Variants in MTUS2 observed in about 807,000 individuals in gnomAD.
MTUS2 encodes microtubule associated scaffold protein 2, also known as microtubule-associated tumor suppressor candidate 2.
Under a neutral mutation model 114.1 loss-of-function variants are expected in MTUS2, and 40 were observed. The observed-to-expected ratio is 0.35, with a 90% confidence interval of 0.27 to 0.46. The LOEUF (loss-of-function observed/expected upper bound fraction) is 0.46. Ranked by LOEUF, MTUS2 falls within the 20% of genes least tolerant of loss-of-function variation. MTUS2 has a pLI of 1.00. For synonymous variants in MTUS2, 688 were observed against 672.0 expected, an observed-to-expected ratio of 1.02 and a Z score of -0.37; for missense variants, 1,679 against 1,705.4, an observed-to-expected ratio of 0.98 and a Z score of 0.27.
At chr13:29,426,793 A>G (rs985279145) in intron 8 of MTUS2, among the ~76,000 whole-genome samples, 1 of 152,198 alleles carries the variant, frequency 6.6e-6, no homozygotes, top group Non-Finnish European at 1.5e-5. Context: ...AAGGCTGACT[A>G]ATGTTCCACT....
Position 28,942,100 on chromosome 13 carries a change from C to T in MTUS2, c.-242-82357C>T, listed in dbSNP as rs1012670127. Among the ~76,000 whole-genome samples the T allele has an allele frequency of 5.9e-5, 9 of 152,080 alleles. 1 individual carries two copies. The South Asian group carries it at 6.2e-4, about 11-fold the overall frequency. On this transcript the variant is annotated intron_variant, in intron 2 of 15. Transcript: ENST00000612955. ...AGGTATTTGTAATACATGAAAGTAA[C>T]AAAGATCTTACATCTATAATATTTA...
chr13:29,085,730 A>T (rs1386384604), intron 4 of MTUS2, among the ~76,000 whole-genome samples: 3 of 152,202 alleles, frequency 2.0e-5, no homozygotes, highest in Admixed American at 6.5e-5. Context: ...TACTATTGTG[A>T]ATAGTGCTAT....
intron 2 of MTUS2, among the ~76,000 whole-genome samples, chr13:28,931,284 A>AAAAC (rs1881602946): frequency 6.6e-6 from 1 of 152,226 alleles, no homozygotes. Flanking sequence ...TAATACAAAT[A>AAAAC]AAACAAAATA....
chr13:29,402,437 A>G (rs147590218), intron 8 of MTUS2, among the ~76,000 whole-genome samples: 1 of 152,308 alleles, frequency 6.6e-6, no homozygotes, highest in East Asian at 1.9e-4. Context: ...AGAGGCAGTA[A>G]AATTCATGGT....
intron 5 of MTUS2, among the ~76,000 whole-genome samples, chr13:29,212,969 G>A (rs766852563): frequency 7.2e-5 from 11 of 152,034 alleles, no homozygotes; most frequent in Non-Finnish European, 1.3e-4. Context: ...AGTGACCAGC[G>A]CCTATCCCAA....
intron 4 of MTUS2, among the ~76,000 whole-genome samples, chr13:29,062,656 T>C (rs1307106874): frequency 6.6e-6 from 1 of 152,186 alleles, no homozygotes; most frequent in African/African-American, 2.4e-5. Context: ...CAGGCCAGTA[T>C]GCTGTGACTT....
chr13:29,286,408 G>A (rs1273341249), intron 6 of MTUS2, among the ~76,000 whole-genome samples: 2 of 152,196 alleles, frequency 1.3e-5, no homozygotes, highest in Non-Finnish European at 2.9e-5. Context: ...CTTTGTTGAA[G>A]CTGGGTAATG....
At chr13:28,852,889 C>T (rs924527114) in intron 2 of MTUS2, among the ~76,000 whole-genome samples, 3 of 43,646 alleles carry the variant, frequency 6.9e-5, no homozygotes, top group Non-Finnish European at 1.6e-4. Flanking sequence ...ACAGAGCGAG[C>T]CTCTGTCTTA....
chr13:29,132,095 C>T (rs554089096), intron 5 of MTUS2, among the ~76,000 whole-genome samples: 60 of 152,332 alleles, frequency 3.9e-4, no homozygotes, highest in African/African-American at 1.4e-3. Context: ...GACCCCAGAA[C>T]TCTGGAATGA....
intron 7 of MTUS2, among the ~76,000 whole-genome samples, chr13:29,349,105 CCT>C (rs1869001798): frequency 1.3e-5 from 2 of 151,648 alleles, no homozygotes; most frequent in South Asian, 4.2e-4. Flanking sequence ...TTTTCTTTTC[CCT>C]CTTTTACTGC....
chr13:29,389,557 G>A (rs1429864059), intron 8 of MTUS2, among the ~76,000 whole-genome samples: 1 of 59,324 alleles, frequency 1.7e-5, no homozygotes, highest in Non-Finnish European at 3.4e-5. Flanking sequence ...GTATACACGT[G>A]TGTATATGTG....
intron 5 of MTUS2, among the ~76,000 whole-genome samples, chr13:29,131,124 A>G (rs578037500): frequency 3.0e-4 from 45 of 152,220 alleles, no homozygotes; most frequent in Admixed American, 7.2e-4. Context: ...CTAAAATGAT[A>G]CTCCTTGTGT....
chr13:29,007,158 A>C (rs1885636725), intron 2 of MTUS2, among the ~76,000 whole-genome samples: 1 of 152,198 alleles, frequency 6.6e-6, no homozygotes, highest in African/African-American at 2.4e-5. Flanking sequence ...TGTAGCTTTA[A>C]TCCTTCATTA....
intron 1 of MTUS2, among the ~76,000 whole-genome samples, chr13:28,838,639 C>G (rs545700654): frequency 1.1e-4 from 17 of 152,318 alleles, no homozygotes; most frequent in African/African-American, 4.1e-4. Flanking sequence ...CTTTCCCTTT[C>G]ACCTGCCCCT....
chr13:29,057,606 T>C (rs1888197856), intron 4 of MTUS2, among the ~76,000 whole-genome samples: 1 of 152,128 alleles, frequency 6.6e-6, no homozygotes, highest in South Asian at 2.1e-4. Context: ...TTGCCTGAAA[T>C]TAGAATAGCA....
chr13:29,111,659 ATG>A (rs1890888899), intron 5 of MTUS2, among the ~76,000 whole-genome samples: 1 of 152,176 alleles, frequency 6.6e-6, no homozygotes, highest in African/African-American at 2.4e-5. Context: ...TGCCAACAGT[ATG>A]TGCTTTCTTG....
At chr13:29,003,518 A>G (rs1029551086) in intron 2 of MTUS2, among the ~76,000 whole-genome samples, 2 of 152,194 alleles carry the variant, frequency 1.3e-5, no homozygotes, top group Non-Finnish European at 2.9e-5. Flanking sequence ...TCCTAATTCA[A>G]GTCCTGGTCT....
chr13:28,914,557 A>C (rs76160000), intron 2 of MTUS2, among the ~76,000 whole-genome samples: 3 of 152,034 alleles, frequency 2.0e-5, no homozygotes, highest in African/African-American at 4.8e-5. Context: ...AAGGATACAT[A>C]TTCTGTTGTT....
chr13:28,941,417 CAAT>C (rs1882228437), intron 2 of MTUS2, among the ~76,000 whole-genome samples: 1 of 151,866 alleles, frequency 6.6e-6, no homozygotes, highest in African/African-American at 2.4e-5. Flanking sequence ...ATATTTAGAA[CAAT>C]AACAAATCAA....
Sources: gnomAD v4.1 joint callset for allele counts (sites outside exome capture counted in the v4.1 genomes callset) on GRCh38, gnomAD v4.1.1 for gene constraint, MANE v1.5 for transcripts, NCBI Gene and HGNC (gene_info 2026-07-23, HGNC 2026-07-21) for gene names.